Variants in MAP3K7 observed in about 807,000 individuals in gnomAD.
The protein encoded by MAP3K7 is mitogen-activated protein kinase kinase kinase 7.
Under a neutral mutation model 84.8 loss-of-function variants are expected in MAP3K7, and 21 were observed. That is an observed-to-expected ratio of 0.25 (90% CI 0.18 to 0.36). The LOEUF (loss-of-function observed/expected upper bound fraction) is 0.36. Among genes scored for constraint, MAP3K7 ranks in the 10% least tolerant of loss-of-function variants. The pLI is 1.00. For missense variants in MAP3K7, 503 were observed against 747.7 expected, an observed-to-expected ratio of 0.67 and a Z score of 3.82; for synonymous variants, 241 against 247.7, an observed-to-expected ratio of 0.97 and a Z score of 0.25.
At chr6:90,526,852 A>G (rs1775338244) in intron 13 of MAP3K7, among the ~76,000 whole-genome samples, 2 of 152,100 alleles carry the variant, frequency 1.3e-5, no homozygotes, top group Non-Finnish European at 2.9e-5. Flanking sequence ...AATTATCCTA[A>G]ACAAAGAAAG....
chr6:90,568,667 A>G, intron 2 of MAP3K7, 44 bp from the exon 3 acceptor site: 1 of 1,401,552 alleles, frequency 7.1e-7, no homozygotes, highest in African/African-American at 1.4e-5. Flanking sequence ...ATAACTTTTG[A>G]AGTACTGATT....
intron 5 of MAP3K7, among the ~76,000 whole-genome samples, chr6:90,558,863 G>C (rs1776418675): frequency 6.6e-6 from 1 of 152,176 alleles, no homozygotes; most frequent in South Asian, 2.1e-4. Context: ...TTTGGGTGTT[G>C]CATCAGATGC....
intron 1 of MAP3K7, among the ~76,000 whole-genome samples, chr6:90,586,320 C>G (rs983317233): frequency 6.9e-6 from 1 of 145,628 alleles, no homozygotes; most frequent in African/African-American, 2.6e-5. Context: ...TGCAGTGAGC[C>G]GAGATTGCGC....
intron 6 of MAP3K7, among the ~76,000 whole-genome samples, chr6:90,556,084 A>ATTTT (rs1253419929): frequency 6.6e-6 from 1 of 152,202 alleles, no homozygotes; most frequent in African/African-American, 2.4e-5. Context: ...AGACGGAAAA[A>ATTTT]CGTTGTCTTG....
Position 90,515,046 on chromosome 6 carries a change from T to C in MAP3K7, c.*1455A>G, listed in dbSNP as rs1774914629. On this transcript the variant is annotated 3_prime_UTR_variant, in exon 17 of 17. Transcript: ENST00000369329. ...ATAATGGAAGAAAAAGTTACCTGCT[T>C]TAGCATTTTAAAGAATAGTTTTGAT... The C allele has an allele frequency of 1.3e-5, 2 of 152,026 alleles. No homozygotes were observed. The highest frequency in any genetic ancestry group is 2.4e-5 in the African/African-American group (1 of 41,436). The allele number at this position is 152,026 out of a possible 1,614,324, so 9.4% of individuals were successfully genotyped here.
chr6:90,584,711 G>C (rs1171873303), intron 1 of MAP3K7, among the ~76,000 whole-genome samples: 1 of 152,134 alleles, frequency 6.6e-6, no homozygotes, highest in East Asian at 1.9e-4. Context: ...ACCAAATGAA[G>C]TAAGTTTGTG....
chr6:90,540,261 T>A lies in MAP3K7; in HGVS notation c.1292-3860A>T, dbSNP rs554370968. ...ATTGCTCTCGAATGTTATGCCATAT[T>A]ATTTTAGGCTTAGAAATAACAAAAG... On this transcript the variant is annotated intron_variant, in intron 12 of 16. Coordinates refer to ENST00000369329, the MANE Select transcript of MAP3K7 (RefSeq NM_145331.3). 5.7e-4 allele frequency among the ~76,000 whole-genome samples: 87 copies of A among 152,016 alleles called. 1 individual carries two copies. Among genetic ancestry groups the A allele is most frequent in the African/African-American group, 1.8e-3 (74 of 41,538 alleles).
chr6:90,578,602 A>G lies in MAP3K7; in HGVS notation c.121-6795T>C, dbSNP rs536245250. ...AGACAGGAGTTTTGTGCTTTAAACA[A>G]AAAAGAGTATAAGCATATATCCATA... On this transcript the variant is annotated intron_variant, in intron 1 of 16. Coordinates refer to ENST00000369329, the MANE Select transcript of MAP3K7 (RefSeq NM_145331.3). 4.6e-5 allele frequency among the ~76,000 whole-genome samples: 7 copies of G among 152,304 alleles called. No homozygotes were observed. The East Asian group carries it at 1.2e-3, about 25-fold the overall frequency.
At chr6:90,523,434 CA>C (rs772577780) in intron 14 of MAP3K7, among the ~76,000 whole-genome samples, 46 of 151,454 alleles carry the variant, frequency 3.0e-4, no homozygotes, top group Non-Finnish European at 5.9e-5. Flanking sequence ...AAAAAAACCC[CA>C]AACAGACAAT....
At chr6:90,538,099 T>C (rs750184357) in intron 12 of MAP3K7, among the ~76,000 whole-genome samples, 1 of 151,918 alleles carries the variant, frequency 6.6e-6, no homozygotes, top group Non-Finnish European at 1.5e-5. Flanking sequence ...ATGAGAAATC[T>C]TTAAGCTACT....
At chr6:90,522,041 CAA>C (rs1463050952) in intron 14 of MAP3K7, among the ~76,000 whole-genome samples, 1 of 152,116 alleles carries the variant, frequency 6.6e-6, no homozygotes, top group Non-Finnish European at 1.5e-5. Context: ...ATTTTTCTTA[CAA>C]ATACTGCACA....
chr6:90,559,999 T>A, intron 5 of MAP3K7, 77 bp downstream of exon 5: 1 of 1,535,700 alleles, frequency 6.5e-7, no homozygotes, highest in Non-Finnish European at 9.0e-7. Context: ...GAGCTTGAAT[T>A]AGAGAGTGGG....
chr6:90,533,016 A>G (rs982759131), intron 13 of MAP3K7, among the ~76,000 whole-genome samples: 1 of 152,228 alleles, frequency 6.6e-6, no homozygotes, highest in Admixed American at 6.5e-5. Flanking sequence ...AATTACTGGC[A>G]GTATAAGGAA....
rs1331002175 is a variant in MAP3K7, at chr6:90,552,003, T to C, written c.867+46A>G. The C allele has an allele frequency of 8.9e-6, 14 of 1,565,652 alleles. 1 individual carries two copies. The highest frequency in any genetic ancestry group is 1.1e-5 in the Non-Finnish European group (13 of 1,144,616). On this transcript the variant is annotated intron_variant, in intron 8 of 16. Coordinates refer to ENST00000369329, the MANE Select transcript of MAP3K7 (RefSeq NM_145331.3). ...TAAAATTCCATTAAAACTCAGCACA[T>C]ATTAAATTCCCCTAAATCCAAAGCC... is the stretch of plus-strand genomic sequence containing the variant.
At chr6:90,519,953 G>A (rs567457199) in intron 14 of MAP3K7, among the ~76,000 whole-genome samples, 1 of 152,076 alleles carries the variant, frequency 6.6e-6, no homozygotes, top group South Asian at 2.1e-4. Flanking sequence ...ATGTCATGCC[G>A]AAAACAGTTA....
chr6:90,546,061 T>C (rs1775991229), intron 11 of MAP3K7, among the ~76,000 whole-genome samples: 1 of 152,182 alleles, frequency 6.6e-6, no homozygotes, highest in Non-Finnish European at 1.5e-5. Flanking sequence ...GGAGACCAGT[T>C]ACTTCAAGAT....
intron 14 of MAP3K7, among the ~76,000 whole-genome samples, chr6:90,522,716 A>G (rs1775192020): frequency 6.6e-6 from 1 of 152,062 alleles, no homozygotes; most frequent in Non-Finnish European, 1.5e-5. Context: ...ACACAGAAAA[A>G]CCACCCAGTT....
At position 90,516,166 on chromosome 6, in the gene MAP3K7, A is replaced by C. The variant is rs1582151346; in HGVS notation, c.*335T>G. ...ATATGAAAAAATGGACGCTGTTTGCACATAGCAGCTAGTTTGATACCTCCT... is the reference window on the plus strand; with the variant it reads ...ATATGAAAAAATGGACGCTGTTTGCCCATAGCAGCTAGTTTGATACCTCCT... On this transcript the variant is annotated 3_prime_UTR_variant, in exon 17 of 17. Transcript: ENST00000369329. The C allele has an allele frequency of 3.6e-6, 1 of 280,134 alleles. No individual in the cohort carries two copies. Among genetic ancestry groups the C allele is most frequent in the East Asian group, 9.1e-5 (1 of 11,026 alleles). The allele number at this position is 280,134 out of a possible 1,614,324, so 17.4% of individuals were successfully genotyped here.
intron 13 of MAP3K7, among the ~76,000 whole-genome samples, chr6:90,527,866 C>CTTTT (rs991440454): frequency 9.0e-5 from 4 of 44,648 alleles, no homozygotes; most frequent in East Asian, 4.0e-4. Flanking sequence ...TTCATAAGGA[C>CTTTT]TTTTTTTTTT....
Sources: allele counts gnomAD v4.1 joint callset (sites outside exome capture counted in the v4.1 genomes callset), GRCh38; gene constraint gnomAD v4.1.1; transcripts MANE v1.5; gene names NCBI Gene and HGNC (gene_info 2026-07-23, HGNC 2026-07-21).